The following GABRE variants were observed in gnomAD, a reference collection of about 807,000 sequenced individuals.
GABRE encodes the protein gamma-aminobutyric acid receptor subunit epsilon.
GABRE carries 20 observed loss-of-function variants against 31.0 expected under a neutral mutation model. That is an observed-to-expected ratio of 0.64 (90% CI 0.45 to 0.94). The LOEUF (loss-of-function observed/expected upper bound fraction) is 0.94. GABRE is among the 40% of genes least tolerant of loss of function. GABRE has a pLI of 0.00. For missense variants in GABRE, 420 were observed against 410.7 expected, an observed-to-expected ratio of 1.02 and a Z score of -0.20; for synonymous variants, 155 against 150.6, an observed-to-expected ratio of 1.03 and a Z score of -0.21.
At chrX:151,973,866 CCAGTCTGCCCAAGGCCCAG>C (rs1278630050) in intron 1 of GABRE, among the ~76,000 whole-genome samples, 2 of 110,995 alleles carry the variant, frequency 1.8e-5, no homozygotes, top group Non-Finnish European at 3.8e-5. Flanking sequence ...GCCTCTGGCT[CCAGTCTGCCCAAGGCCCAG>C]CAGGGTGTCT....
intron 1 of GABRE, among the ~76,000 whole-genome samples, chrX:151,973,999 A>T (rs1934809633): frequency 1.8e-5 from 2 of 111,275 alleles, no homozygotes; most frequent in African/African-American, 6.6e-5. Flanking sequence ...GACTGGCACC[A>T]ACAGGAGCAG....
At chrX:151,957,478 G>A (rs915480912) in intron 6 of GABRE, 2 of 330,957 alleles carry the variant, frequency 6.0e-6, no homozygotes, top group Admixed American at 3.1e-5. Flanking sequence ...TCTTGCCGTG[G>A]GATCTTGACT....
At chrX:151,961,231 A>T in intron 5 of GABRE, 52 bp downstream of exon 5, 2 of 821,776 alleles carry the variant, frequency 2.4e-6, no homozygotes, top group Non-Finnish European at 3.6e-6. Context: ...GATGAGAAAA[A>T]GAAGGAGCCC....
chrX:151,966,877 C>G (rs1934541374), intron 3 of GABRE, among the ~76,000 whole-genome samples: 1 of 112,011 alleles, frequency 8.9e-6, no homozygotes, highest in Non-Finnish European at 1.9e-5. Context: ...GGTTTGGTGA[C>G]TGCTGGGTTA....
chrX:151,974,599 G>A lies in GABRE; in HGVS notation c.27C>T (p.Leu9=). The change falls in exon 1 of 9, where the codon CTC becomes CTT. Residue 9 remains leucine, a synonymous_variant. Coordinates refer to ENST00000370328, the MANE Select transcript of GABRE (RefSeq NM_004961.4). MLSKVLPV[L]LGILLILQSR... ...ACTGGAGGATCAATAAGATGCCTAG[G>A]AGGACTGGAAGAACTTTGGACAACA... 1 of 1,181,722 alleles carries A rather than the reference G, an allele frequency of 8.5e-7. No homozygotes were observed.
intron 3 of GABRE, among the ~76,000 whole-genome samples, chrX:151,966,360 T>A (rs1934524412): frequency 8.9e-6 from 1 of 112,028 alleles, no homozygotes; most frequent in African/African-American, 3.2e-5. Flanking sequence ...AATCTCAGAC[T>A]GGGTGTTACA....
In GABRE at chrX:151,955,425, C is replaced by T; in HGVS notation, c.1080G>A (p.Val360=). ...FCFCALLEFA[V]LNFLIYNQTK... ...TCTGGTTGTAGATCAGGAAGTTGAGCACAGCAAACTCCAACAGAGCGCAGA... is the reference window on the plus strand; with the variant it reads ...TCTGGTTGTAGATCAGGAAGTTGAGTACAGCAAACTCCAACAGAGCGCAGA... The change falls in exon 8 of 9, where the codon GTG becomes GTA. Residue 360 remains valine, a synonymous_variant. Transcript: ENST00000370328. 8.3e-7 allele frequency: 1 copy of T among 1,211,980 alleles called. No individual in the cohort carries two copies. Among genetic ancestry groups the T allele is most frequent in the South Asian group, 1.8e-5 (1 of 57,005 alleles).
intron 6 of GABRE, chrX:151,959,617 C>T (rs372897704): frequency 6.5e-5 from 33 of 509,587 alleles, no homozygotes; most frequent in Non-Finnish European, 1.0e-4. Context: ...CCTAACCTCT[C>T]AAGGAGCTTG....
At chrX:151,955,132 C>T in intron 8 of GABRE, 48 bp from the exon 9 acceptor site, 1 of 1,186,667 alleles carries the variant, frequency 8.4e-7, no homozygotes. Context: ...GGAAGATAAC[C>T]CAAGTCTAAG....
chrX:151,963,433 T>C (rs1934440722), intron 3 of GABRE, among the ~76,000 whole-genome samples: 1 of 112,647 alleles, frequency 8.9e-6, no homozygotes, highest in Non-Finnish European at 1.9e-5. Context: ...TAGTACTTGT[T>C]AGTACTTGGT....
At chrX:151,968,603 T>A (rs1934592756) in intron 3 of GABRE, among the ~76,000 whole-genome samples, 1 of 111,595 alleles carries the variant, frequency 9.0e-6, no homozygotes, top group Non-Finnish European at 1.9e-5. Context: ...TACCTGTGAG[T>A]ATGCCAAAAT....
At chrX:151,965,976 C>T (rs1208868168) in intron 3 of GABRE, among the ~76,000 whole-genome samples, 1 of 112,554 alleles carries the variant, frequency 8.9e-6, no homozygotes, top group East Asian at 2.8e-4. Context: ...TCCCAAGTGG[C>T]TGGCAGTCTA....
At position 151,955,751 on chromosome X, in the gene GABRE, G is replaced by A. The variant is rs55849806; in HGVS notation, c.894C>T (p.Ser298=). The A allele has an allele frequency of 1.7e-6, 2 of 1,211,977 alleles. No individual in the cohort carries two copies. Among genetic ancestry groups the A allele is most frequent in the Non-Finnish European group, 2.2e-6 (2 of 895,583 alleles). ...SSVTTMLSWV[S]FWIKTESAPA... ...GAGCAGACTCTGTCTTGATCCAAAA[G>A]GAAACCCAGGAGAGCATCGTGGTCA... The change falls in exon 7 of 9, where the codon TCC becomes TCT. Residue 298 remains serine (S), a synonymous_variant. Transcript: ENST00000370328.
At chrX:151,957,868 A>T (rs1934226070) in intron 6 of GABRE, 1 of 144,253 alleles carries the variant, frequency 6.9e-6, no homozygotes, top group Admixed American at 7.7e-5. Flanking sequence ...TAAATAGACC[A>T]TGTCCAGAGG....
chrX:151,957,338 C>A, intron 6 of GABRE: 1 of 258,385 alleles, frequency 3.9e-6, no homozygotes, highest in South Asian at 4.1e-5. Flanking sequence ...TGGAAGAAGG[C>A]AAGGGAGCGA....
Position 151,964,338 on chromosome X carries a change from C to T in GABRE, c.343-1695G>A, listed in dbSNP as rs73639021. 4.3e-3 allele frequency among the ~76,000 whole-genome samples: 479 copies of T among 111,899 alleles called. 4 individuals are homozygous for T. The highest frequency in any genetic ancestry group is 0.015 in the African/African-American group (447 of 30,782). ...CAGTGGGCAAAGGTTCCATGCTATTCTGTGATGGGCTTATCAAGTAGATGG... is the reference window on the plus strand; with the variant it reads ...CAGTGGGCAAAGGTTCCATGCTATTTTGTGATGGGCTTATCAAGTAGATGG... On this transcript the variant is annotated intron_variant, in intron 3 of 8. Transcript: ENST00000370328.
rs1032091891 is a variant in GABRE, at chrX:151,955,862, T to C, written c.785-2A>G. On this transcript the variant is annotated splice_acceptor_variant, in intron 6 of 8. Coordinates refer to ENST00000370328, the MANE Select transcript of GABRE (RefSeq NM_004961.4). LOFTEE classifies it high-confidence loss of function. ...AAATCGTCATGACCATGAAGTCACC[T>C]GAAAGACACAAAAAACATCACTGCA... 8.3e-7 allele frequency: 1 copy of C among 1,209,727 alleles called. No individual in the cohort carries two copies. Among genetic ancestry groups the C allele is most frequent in the African/African-American group, 1.7e-5 (1 of 57,230 alleles).
chrX:151,972,618 G>C (rs893393332), intron 1 of GABRE: 2 of 752,829 alleles, frequency 2.7e-6, no homozygotes, highest in Non-Finnish European at 3.1e-6. Context: ...AAAGCACTGA[G>C]ACCACCAAAG....
At position 151,970,279 on chromosome X, in the gene GABRE, C is replaced by G. The variant is rs771972911; in HGVS notation, c.180G>C (p.Glu60Asp). The G allele has an allele frequency of 4.3e-5, 52 of 1,210,752 alleles. No individual in the cohort carries two copies. The highest frequency in any genetic ancestry group is 5.7e-5 in the Non-Finnish European group (51 of 895,472). The change falls in exon 2 of 9, where the codon GAG becomes GAC. Residue 60 changes from glutamate to aspartate, a missense_variant. By Grantham distance (45) the Glu-to-Asp change is conservative. Coordinates refer to ENST00000370328, the MANE Select transcript of GABRE (RefSeq NM_004961.4). ...LSEETKSTETETGSRVGKLPE... is the reference protein window; with the variant it reads ...LSEETKSTETDTGSRVGKLPE... Reference sequence around the variant, plus strand: ...GCAGTTTGCCAACTCTGCTCCCAGTCTCAGTCTCAGTTGACTTTGTTTCCT... The same window carrying G: ...GCAGTTTGCCAACTCTGCTCCCAGTGTCAGTCTCAGTTGACTTTGTTTCCT...
Sources: gnomAD v4.1 joint callset for allele counts (sites outside exome capture counted in the v4.1 genomes callset) on GRCh38, gnomAD v4.1.1 for gene constraint, MANE v1.5 for transcripts, NCBI Gene and HGNC (gene_info 2026-07-23, HGNC 2026-07-21) for gene names.